Variants in BDP1 observed in about 807,000 individuals in gnomAD.
BDP1 encodes the protein transcription factor TFIIIB component B'' homolog.
BDP1 carries 169 observed loss-of-function variants against 266.6 expected under a neutral mutation model. The observed-to-expected ratio is 0.63, with a 90% CI of 0.56 to 0.72. The LOEUF is 0.72. Ranked by LOEUF, BDP1 falls within the 30% of genes least tolerant of loss-of-function variation. The pLI is 0.00. For synonymous variants in BDP1, 1,090 were observed against 1,022.4 expected (o/e 1.07, Z -1.26); for missense variants, 3,015 against 3,053.8 (o/e 0.99, Z 0.30).
At chr5:71,470,339 C>G (rs1762162590) in intron 6 of BDP1, 56 bp from the exon 7 acceptor site, 21 of 1,264,958 alleles carry the variant, frequency 1.7e-5, no homozygotes, top group Non-Finnish European at 2.2e-5. Context: ...GATTTCTTTT[C>G]TCTGAAATAT....
intron 7 of BDP1, among the ~76,000 whole-genome samples, chr5:71,481,391 G>GAAAAAAAAAAAAAAAA (rs58798987): frequency 3.1e-5 from 2 of 63,844 alleles, no homozygotes; most frequent in Non-Finnish European, 5.4e-5. Context: ...TCTCTACAAA[G>GAAAAAAAAAAAAAAAA]AAAAAAAAAA....
intron 16 of BDP1, 106 bp downstream of exon 16, chr5:71,504,857 T>A (rs866750768): frequency 3.0e-6 from 3 of 993,370 alleles, no homozygotes; most frequent in Middle Eastern, 2.4e-4. Flanking sequence ...GTTGTCTGCG[T>A]GTCTAGTTAT....
chr5:71,455,705 C>T lies in BDP1; in HGVS notation c.-173C>T. The T allele has an allele frequency of 4.9e-6, 3 of 617,094 alleles. No homozygotes were observed. The highest frequency in any genetic ancestry group is 8.5e-6 in the Non-Finnish European group (3 of 352,054). The allele number at this position is 617,094 out of a possible 1,614,324, so 38.2% of individuals were successfully genotyped here. ...CAGGGTCATGAAAAAGCGGCGGCGG[C>T]GGGAGAGAGGAGGAGGCGGCGGCGG... On this transcript the variant is annotated 5_prime_UTR_variant, in exon 1 of 39. Transcript: ENST00000358731.
the BDP1 span, among the ~76,000 whole-genome samples, chr5:71,576,096 AG>A: frequency 1.3e-5 from 2 of 152,158 alleles, no homozygotes; most frequent in East Asian, 3.9e-4. Context: ...AAACTACTGG[AG>A]TGTCAAGGCC....
At chr5:71,512,210 T>G in intron 17 of BDP1, 31 bp from the exon 18 acceptor site, 1 of 1,174,018 alleles carries the variant, frequency 8.5e-7, no homozygotes, top group Non-Finnish European at 1.1e-6. Flanking sequence ...ACTCTTTTAT[T>G]TGTGCTGATT....
chr5:71,545,169 C>CTT lies in BDP1; in HGVS notation c.6694_6695insTT (p.Gln2232LeufsTer3). ...TGGTGAAAATTCTGTTGAAGAGCCC[C>CTT]AGATAAAGGACTCTAAAGGAGACAG... On this transcript the variant is annotated frameshift_variant, in exon 32 of 39. Coordinates refer to ENST00000358731, the MANE Select transcript of BDP1 (RefSeq NM_018429.3). LOFTEE classifies it high-confidence loss of function. 1.9e-6 allele frequency: 3 copies of CTT among 1,613,748 alleles called. No individual in the cohort carries two copies. Among genetic ancestry groups the CTT allele is most frequent in the Non-Finnish European group, 2.5e-6 (3 of 1,179,978 alleles).
intron 7 of BDP1, among the ~76,000 whole-genome samples, chr5:71,476,649 T>C (rs1762604899): frequency 6.6e-6 from 1 of 152,116 alleles, no homozygotes; most frequent in African/African-American, 2.4e-5. Flanking sequence ...CAAGCCCTTC[T>C]CCTGCTTCAG....
intron 32 of BDP1, among the ~76,000 whole-genome samples, chr5:71,548,372 CT>C (rs879840557): frequency 3.3e-5 from 5 of 152,156 alleles, no homozygotes; most frequent in Admixed American, 6.6e-5. Context: ...ATGTCACCTA[CT>C]AATAGTACAA....
At chr5:71,533,507 C>T (rs144049488) in intron 26 of BDP1, among the ~76,000 whole-genome samples, 1 of 150,312 alleles carries the variant, frequency 6.7e-6, no homozygotes, top group East Asian at 1.9e-4. Flanking sequence ...GCATTGTCAC[C>T]CAAACTAGAG....
intron 19 of BDP1, 40 bp from the exon 20 acceptor site, chr5:71,514,904 T>G (rs767485511): frequency 7.0e-7 from 1 of 1,423,170 alleles, no homozygotes; most frequent in Non-Finnish European, 9.6e-7. Context: ...TTCCTTATAC[T>G]TTTAGCAACT....
chr5:71,500,416 C>G (rs980861261), intron 13 of BDP1, among the ~76,000 whole-genome samples: 1 of 147,414 alleles, frequency 6.8e-6, no homozygotes, highest in Non-Finnish European at 1.5e-5. Context: ...CCTCCGCCTC[C>G]TGGGTTCAGG....
intron 11 of BDP1, chr5:71,494,360 G>A (rs2059195): frequency 0.45 from 68,276 of 152,116 alleles, 15,687 homozygotes; most frequent in South Asian, 0.55. Flanking sequence ...GTCTTGCTCT[G>A]TCGCCCAGGC....
At chr5:71,459,579 C>G (rs77994644) in intron 2 of BDP1, among the ~76,000 whole-genome samples, 3,027 of 152,148 alleles carry the variant, frequency 0.02, 104 homozygotes, top group African/African-American at 0.069. Flanking sequence ...TGGAAAATTA[C>G]AAGTGGGAAA....
At position 71,510,552 on chromosome 5, in the gene BDP1, T is replaced by G. The variant is rs537872428; in HGVS notation, c.3460T>G (p.Ser1154Ala). 1 of 1,613,810 alleles carries G rather than the reference T, an allele frequency of 6.2e-7. No individual in the cohort carries two copies. Among genetic ancestry groups the G allele is most frequent in the Non-Finnish European group, 8.5e-7 (1 of 1,179,964 alleles). The change falls in exon 17 of 39, where the codon TCC becomes GCC. Residue 1154 changes from serine to alanine, a missense_variant. By Grantham distance (99) the Ser-to-Ala change is moderately conservative. Transcript: ENST00000358731. ...DLEETGRREISPEENGPEEVK... is the reference protein window; with the variant it reads ...DLEETGRREIAPEENGPEEVK... ...GGAAGAAACTGGAAGAAGAGAAATA[T>G]CCCCAGAGGAAAATGGCCCAGAGGA...
intron 15 of BDP1, among the ~76,000 whole-genome samples, chr5:71,504,113 A>G (rs1764425726): frequency 6.6e-6 from 1 of 151,848 alleles, no homozygotes; most frequent in Admixed American, 6.6e-5. Context: ...TCTACTAAAA[A>G]TACAAAAACG....
At chr5:71,522,665 TA>T in intron 23 of BDP1, 90 bp from the exon 24 acceptor site, 1 of 1,312,376 alleles carries the variant, frequency 7.6e-7, no homozygotes, top group Non-Finnish European at 1.1e-6. Context: ...TAGATATGTG[TA>T]AACTTAGAGG....
intron 1 of BDP1, 31 bp from the exon 2 acceptor site, chr5:71,458,548 T>C (rs758605060): frequency 1.3e-6 from 2 of 1,528,302 alleles, no homozygotes; most frequent in African/African-American, 1.4e-5. Context: ...AAGATTCATG[T>C]GCCCTCTTTT....
In BDP1 at chr5:71,464,129, A is replaced by G. The variant is rs764684755; in HGVS notation, c.659+12A>G. ...GTCCAGACAAGAGAGTAAGTATTTT[A>G]TTTTTGAATATATTCTATTCCTACA... On this transcript the variant is annotated intron_variant, in intron 4 of 38. Transcript: ENST00000358731. 2.7e-6 allele frequency: 4 copies of G among 1,481,272 alleles called. No individual in the cohort carries two copies. Among genetic ancestry groups the G allele is most frequent in the Middle Eastern group, 1.8e-4 (1 of 5,644 alleles). The allele number at this position is 1,481,272 out of a possible 1,614,324, so 91.8% of individuals were successfully genotyped here.
At chr5:71,522,536 G>A (rs1343304100) in intron 23 of BDP1, 46 bp downstream of exon 23, 1 of 1,480,356 alleles carries the variant, frequency 6.8e-7, no homozygotes, top group African/African-American at 1.4e-5. Context: ...TCTCAATGAG[G>A]TCTGTTTTGT....
Sources: allele counts gnomAD v4.1 joint callset (sites outside exome capture counted in the v4.1 genomes callset), GRCh38; gene constraint gnomAD v4.1.1; transcripts MANE v1.5; gene names NCBI Gene and HGNC (gene_info 2026-07-23, HGNC 2026-07-21).